Variants in C12orf42 observed in about 807,000 individuals in gnomAD.
C12orf42 encodes the protein chromosome 12 open reading frame 42, also known as uncharacterized protein C12orf42.
In C12orf42, 25 loss-of-function variants were observed where a neutral mutation model predicts 21.6. The observed-to-expected ratio is 1.16, with a 90% CI of 0.84 to 1.62. C12orf42 has a LOEUF of 1.62. Ranked by LOEUF, C12orf42 falls within the 40% of genes most tolerant of loss-of-function variation. The pLI is 0.00. For synonymous variants in C12orf42, 174 were observed against 175.0 expected, an observed-to-expected ratio of 0.99 and a Z score of 0.05; for missense variants, 483 against 459.3, an observed-to-expected ratio of 1.05 and a Z score of -0.47.
At chr12:103,239,941 GAA>G (rs1207530178) in intron 10 of C12orf42, among the ~76,000 whole-genome samples, 1 of 152,092 alleles carries the variant, frequency 6.6e-6, no homozygotes, top group Non-Finnish European at 1.5e-5. Flanking sequence ...TCAGAAGTAG[GAA>G]AGAGACTATA....
chr12:103,071,476 G>T, the C12orf42 span, among the ~76,000 whole-genome samples: 1 of 152,100 alleles, frequency 6.6e-6, no homozygotes, highest in African/African-American at 2.4e-5. Context: ...TAACATTGAT[G>T]TTGATATGAT....
chr12:103,386,955 GCAGTTCA>G (rs2046662791), intron 3 of C12orf42, among the ~76,000 whole-genome samples: 1 of 152,120 alleles, frequency 6.6e-6, no homozygotes, highest in African/African-American at 2.4e-5. Context: ...CCTGCAGCTC[GCAGTTCA>G]CAGCCCTCCC....
intron 4 of C12orf42, among the ~76,000 whole-genome samples, chr12:103,332,998 A>G (rs1566096057): frequency 6.6e-6 from 1 of 152,220 alleles, no homozygotes; most frequent in Non-Finnish European, 1.5e-5. Context: ...AATTTCAGAT[A>G]GTAAGCAATG....
intron 2 of C12orf42, among the ~76,000 whole-genome samples, chr12:103,459,682 G>T (rs894445935): frequency 6.6e-6 from 1 of 152,108 alleles, no homozygotes; most frequent in Non-Finnish European, 1.5e-5. Flanking sequence ...ACACAAATAG[G>T]TTGCAATTTT....
At chr12:103,496,752 T>A (rs1169807816), upstream of C12orf42, among the ~76,000 whole-genome samples, 1 of 147,700 alleles carries the variant, frequency 6.8e-6, no homozygotes, top group African/African-American at 2.5e-5. Flanking sequence ...CACACCTGAG[T>A]CCCAGGATGG....
chr12:103,428,983 C>A (rs538280696), intron 2 of C12orf42, among the ~76,000 whole-genome samples: 1 of 152,116 alleles, frequency 6.6e-6, no homozygotes, highest in African/African-American at 2.4e-5. Flanking sequence ...ATAATAAGAG[C>A]TATTTATGAC....
the C12orf42 span, among the ~76,000 whole-genome samples, chr12:103,217,359 AACAC>A: frequency 5.3e-5 from 8 of 152,138 alleles, no homozygotes; most frequent in Admixed American, 4.6e-4. Flanking sequence ...TTTACAAAAA[AACAC>A]ACAAACAAAC....
At chr12:103,305,122 T>C (rs1384092079) in intron 5 of C12orf42, among the ~76,000 whole-genome samples, 1 of 152,188 alleles carries the variant, frequency 6.6e-6, no homozygotes, top group Non-Finnish European at 1.5e-5. Flanking sequence ...AATAATCTCG[T>C]GTTTGCAGAA....
chr12:103,287,818 G>A (rs1392069450), intron 4 of C12orf42, among the ~76,000 whole-genome samples: 1 of 151,196 alleles, frequency 6.6e-6, no homozygotes, highest in Non-Finnish European at 1.5e-5. Context: ...GAGAGAGAGA[G>A]AGACAGAGAG....
chr12:103,525,071 G>T, the C12orf42 span, among the ~76,000 whole-genome samples: 1 of 152,108 alleles, frequency 6.6e-6, no homozygotes, highest in Non-Finnish European at 1.5e-5. Flanking sequence ...AGGCTGCAGT[G>T]CAGTGGCACA....
At chr12:103,154,729 A>G in the C12orf42 span, among the ~76,000 whole-genome samples, 1 of 152,334 alleles carries the variant, frequency 6.6e-6, no homozygotes, top group Non-Finnish European at 1.5e-5. Flanking sequence ...TATGAGGGGA[A>G]AAAAGGAGGA....
intron 4 of C12orf42, among the ~76,000 whole-genome samples, chr12:103,314,471 T>G (rs1566062782): frequency 6.6e-6 from 1 of 152,080 alleles, no homozygotes; most frequent in Non-Finnish European, 1.5e-5. Context: ...AAAGATAAAT[T>G]TGATGAGCTG....
intron 4 of C12orf42, among the ~76,000 whole-genome samples, chr12:103,323,355 T>C (rs943447870): frequency 3.3e-5 from 5 of 152,236 alleles, no homozygotes; most frequent in Non-Finnish European, 5.9e-5. Context: ...AGGAAATTAA[T>C]GGTTGATTAG....
chr12:103,068,997 ATTAG>A, the C12orf42 span, among the ~76,000 whole-genome samples: 3 of 100,464 alleles, frequency 3.0e-5, no homozygotes, highest in Non-Finnish European at 3.9e-5. Context: ...ATATAATCCT[ATTAG>A]TTCTGTCCCT....
chr12:103,260,552 A>G (rs1182786012), intron 10 of C12orf42, among the ~76,000 whole-genome samples: 1 of 152,216 alleles, frequency 6.6e-6, no homozygotes, highest in Non-Finnish European at 1.5e-5. Context: ...AGGATATGCT[A>G]ACTAGTGGCA....
the C12orf42 span, among the ~76,000 whole-genome samples, chr12:103,086,926 G>T: frequency 6.6e-6 from 1 of 152,162 alleles, no homozygotes. Flanking sequence ...AAACTATGTT[G>T]CTTTCCTCTG....
At chr12:103,484,038 C>A (rs963348501) in intron 1 of C12orf42, among the ~76,000 whole-genome samples, 1 of 152,188 alleles carries the variant, frequency 6.6e-6, no homozygotes, top group African/African-American at 2.4e-5. Flanking sequence ...ATACGTGCCA[C>A]ATTTTCTTAA....
the C12orf42 span, among the ~76,000 whole-genome samples, chr12:103,119,922 T>A: frequency 1.3e-5 from 2 of 152,222 alleles, no homozygotes; most frequent in Non-Finnish European, 2.9e-5. Flanking sequence ...ATCTTTGATA[T>A]GGTGGTACAA....
chr12:103,052,673 C>G, the C12orf42 span, among the ~76,000 whole-genome samples: 2 of 151,928 alleles, frequency 1.3e-5, no homozygotes, highest in Admixed American at 6.6e-5. Context: ...TTTTTATTAA[C>G]TATAATTTTT....
Sources: allele counts gnomAD v4.1 joint callset (sites outside exome capture counted in the v4.1 genomes callset), GRCh38; gene constraint gnomAD v4.1.1; transcripts MANE v1.5; gene names NCBI Gene and HGNC (gene_info 2026-07-23, HGNC 2026-07-21).